POLD3: variants seen among roughly 807,000 people sequenced by gnomAD.
POLD3 encodes the protein DNA polymerase delta subunit 3.
A neutral mutation model predicts 58.2 loss-of-function variants in POLD3; 19 were observed. The observed-to-expected ratio is 0.33, with a 90% confidence interval of 0.23 to 0.48. The LOEUF (loss-of-function observed/expected upper bound fraction) is 0.48, where lower values mean the gene tolerates loss of function less well. Ranked by LOEUF, POLD3 falls within the 20% of genes least tolerant of loss-of-function variation. The pLI is 0.99. For synonymous variants in POLD3, 172 were observed against 193.5 expected (o/e 0.89, Z 0.92); for missense variants, 504 against 545.5 (o/e 0.92, Z 0.76).
chr11:74,662,496 G>A (rs573681910), intron 4 of POLD3, among the ~76,000 whole-genome samples: 12 of 152,126 alleles, frequency 7.9e-5, no homozygotes, highest in African/African-American at 2.4e-4. Context: ...GGCCTGGAAC[G>A]GGGGCCTCAA....
At chr11:74,606,033 T>G (rs976252242) in intron 3 of POLD3, among the ~76,000 whole-genome samples, 1 of 152,178 alleles carries the variant, frequency 6.6e-6, no homozygotes, top group African/African-American at 2.4e-5. Flanking sequence ...TGCAGCGAGC[T>G]GTGATTGCGC....
chr11:74,644,667 C>A (rs1326859126), downstream of POLD3, among the ~76,000 whole-genome samples: 1 of 152,188 alleles, frequency 6.6e-6, no homozygotes, highest in African/African-American at 2.4e-5. Context: ...TCAGAATCCA[C>A]CTTAACTCTA....
At chr11:74,662,207 A>G (rs1198660582) in intron 4 of POLD3, among the ~76,000 whole-genome samples, 1 of 152,190 alleles carries the variant, frequency 6.6e-6, no homozygotes, top group East Asian at 1.9e-4. Flanking sequence ...ACTTAAGTGT[A>G]AGACAAAGTC....
intron 9 of POLD3, among the ~76,000 whole-genome samples, chr11:74,632,875 A>ATTACACACACAC (rs1157307914): frequency 5.1e-4 from 30 of 59,246 alleles, no homozygotes; most frequent in African/African-American, 3.2e-3. Context: ...TATTTAAGTA[A>ATTACACACACAC]ATACACACAC....
At chr11:74,647,646 G>A (rs1219630480), downstream of POLD3, among the ~76,000 whole-genome samples, 2 of 152,144 alleles carry the variant, frequency 1.3e-5, no homozygotes, top group Admixed American at 1.3e-4. Flanking sequence ...CAACTATGGT[G>A]GCTACTGTGG....
At chr11:74,628,945 G>A in intron 8 of POLD3, 1 of 263,514 alleles carries the variant, frequency 3.8e-6, no homozygotes, top group Non-Finnish European at 7.1e-6. Flanking sequence ...AAGTAAGAAG[G>A]AATTTGGAAA....
At chr11:74,665,585 G>A (rs1249387811) in intron 4 of POLD3, among the ~76,000 whole-genome samples, 1 of 151,738 alleles carries the variant, frequency 6.6e-6, no homozygotes, top group Non-Finnish European at 1.5e-5. Flanking sequence ...ATTTTTTAGT[G>A]GAGGGGGTTT....
In POLD3 at chr11:74,625,644, A is replaced by T. The variant is rs76044322; in HGVS notation, c.899+71A>T. 1.8e-3 allele frequency: 2,388 copies of T among 1,307,986 alleles called. 38 individuals carry two copies. In the African/African-American group the frequency reaches 0.032, roughly 17 times the overall value. The allele number at this position is 1,307,986 out of a possible 1,614,324, so 81.0% of individuals were successfully genotyped here. A position where few individuals can be genotyped will look rare whatever the true frequency, so the allele number is the denominator to read the frequency against. On this transcript the variant is annotated intron_variant, in intron 8 of 11. Coordinates refer to ENST00000263681, the MANE Select transcript of POLD3 (RefSeq NM_006591.3). The stretch of plus-strand genomic sequence containing the variant: ...TGAGAAGGTCTCTTTGGGCTTATTG[A>T]CAGCAGGCAGTTTTCAGTTAAGTAC...
chr11:74,646,128 A>C (rs554553229), downstream of POLD3, among the ~76,000 whole-genome samples: 1 of 152,048 alleles, frequency 6.6e-6, no homozygotes, highest in East Asian at 1.9e-4. Context: ...GCATGCCACC[A>C]CACCTGGCTA....
Position 74,631,640 on chromosome 11 carries a change from C to T in POLD3, c.1006+2317C>T, listed in dbSNP as rs144217391. Among the ~76,000 whole-genome samples the T allele has an allele frequency of 8.4e-3, 1,270 of 151,968 alleles. 14 individuals are homozygous for T. The highest frequency in any genetic ancestry group is 0.029 in the African/African-American group (1,208 of 41,466). On this transcript the variant is annotated intron_variant, in intron 9 of 11. Coordinates refer to ENST00000263681, the MANE Select transcript of POLD3 (RefSeq NM_006591.3). ...CCAGGATTACAGGTGCCTACTACCACGCCCAGCTAATTTTTGTATTTTTAG... is the reference window on the plus strand; with the variant it reads ...CCAGGATTACAGGTGCCTACTACCATGCCCAGCTAATTTTTGTATTTTTAG...
intron 5 of POLD3, among the ~76,000 whole-genome samples, chr11:74,616,753 A>G (rs2032092109): frequency 2.6e-5 from 4 of 152,276 alleles, no homozygotes; most frequent in Middle Eastern, 6.8e-3. Context: ...GTCTAAAGTT[A>G]CTTCTGAGAT....
chr11:74,603,311 G>T (rs1208153838), intron 2 of POLD3, among the ~76,000 whole-genome samples: 6 of 152,216 alleles, frequency 3.9e-5, no homozygotes, highest in Admixed American at 3.9e-4. Flanking sequence ...GATTTGGAGG[G>T]CATGGAGTCA....
chr11:74,596,034 T>A (rs566702962), intron 2 of POLD3, among the ~76,000 whole-genome samples: 4,478 of 150,412 alleles, frequency 0.03, 96 homozygotes, highest in South Asian at 0.064. Context: ...AATCTTATTT[T>A]TTTTTTTTTT....
chr11:74,654,134 TGAG>T (rs2033103463), intron 4 of POLD3, among the ~76,000 whole-genome samples: 1 of 152,142 alleles, frequency 6.6e-6, no homozygotes, highest in African/African-American at 2.4e-5. Flanking sequence ...ACTTCCAAGA[TGAG>T]GGATCACATT....
Position 74,641,645 on chromosome 11 carries a change from A to G in POLD3, c.*879A>G, listed in dbSNP as rs2032917297. On this transcript the variant is annotated 3_prime_UTR_variant, in exon 12 of 12. Coordinates refer to ENST00000263681, the MANE Select transcript of POLD3 (RefSeq NM_006591.3). The stretch of plus-strand genomic sequence containing the variant: ...AAACCCGTACAATGAGATAAAGACT[A>G]AAAAGAGAAATCCCTTCCTATATAC... 1.0e-6 allele frequency: 1 copy of G among 985,238 alleles called. No homozygotes were observed. The highest frequency in any genetic ancestry group is 4.7e-5 in the South Asian group (1 of 21,288). 61.0% of individuals were successfully genotyped at this position (985,238 alleles called of 1,614,324 possible).
chr11:74,666,931 T>C (rs2033275730), intron 4 of POLD3, among the ~76,000 whole-genome samples: 1 of 146,978 alleles, frequency 6.8e-6, no homozygotes. Context: ...AAAACTTACA[T>C]GTATGAGCAA....
At chr11:74,623,173 C>A (rs919933421) in intron 7 of POLD3, among the ~76,000 whole-genome samples, 2 of 152,196 alleles carry the variant, frequency 1.3e-5, no homozygotes, top group African/African-American at 4.8e-5. Flanking sequence ...GTGGTTCACG[C>A]CTGTAATCCC....
rs747230779 is a variant in POLD3, at chr11:74,618,738, C to T, written c.594C>T (p.Ser198=). 7 of 1,614,030 alleles carry T rather than the reference C, an allele frequency of 4.3e-6. No individual in the cohort carries two copies. Among genetic ancestry groups the T allele is most frequent in the Non-Finnish European group, 5.9e-6 (7 of 1,179,948 alleles). ...QPKGIMGMFA[S]KAAAKTQETN... ...AAGGAATTATGGGAATGTTTGCCTC[C>T]AAAGCTGCTGCTAAAACCCAAGAAA... Residue 198 remains serine, a synonymous_variant, in exon 6 of 12, where the codon TCC becomes TCT. Coordinates refer to ENST00000263681, the MANE Select transcript of POLD3 (RefSeq NM_006591.3).
At chr11:74,604,871 G>GA (rs2031623218) in intron 3 of POLD3, 77 bp downstream of exon 3, 2 of 762,826 alleles carry the variant, frequency 2.6e-6, no homozygotes. Context: ...TCAGGGGAGA[G>GA]AAAAAAATCA....
Sources: allele counts gnomAD v4.1 joint callset (sites outside exome capture counted in the v4.1 genomes callset), GRCh38; gene constraint gnomAD v4.1.1; transcripts MANE v1.5; gene names NCBI Gene and HGNC (gene_info 2026-07-23, HGNC 2026-07-21).